Variants in CA10 observed in about 807,000 individuals in gnomAD.
CA10 encodes the protein carbonic anhydrase 10 (inactive).
CA10 carries 14 observed loss-of-function variants against 44.2 expected under a neutral mutation model. That is an observed-to-expected ratio of 0.32 (90% CI 0.21 to 0.50). The LOEUF (loss-of-function observed/expected upper bound fraction) is 0.50. Ranked by LOEUF, CA10 falls within the 20% of genes least tolerant of loss-of-function variation. The probability of loss-of-function intolerance (pLI) is 0.99; values close to 1 mark genes in which losing one functional copy is unlikely to be tolerated. For synonymous variants in CA10, 159 were observed against 141.6 expected, an observed-to-expected ratio of 1.12 and a Z score of -0.87; for missense variants, 350 against 409.7, an observed-to-expected ratio of 0.85 and a Z score of 1.26.
chr17:51,777,583 C>T (rs997314883), intron 3 of CA10, among the ~76,000 whole-genome samples: 10 of 152,106 alleles, frequency 6.6e-5, no homozygotes, highest in African/African-American at 1.2e-4. Context: ...TGTGTATAGT[C>T]ATCTTAAATA....
intron 2 of CA10, among the ~76,000 whole-genome samples, chr17:52,058,362 ATGTT>A (rs1359716028): frequency 2.6e-5 from 4 of 152,188 alleles, no homozygotes; most frequent in African/African-American, 4.8e-5. Context: ...TTTTACAAAA[ATGTT>A]TGAGACACAT....
chr17:51,933,540 G>A (rs1982745739), intron 2 of CA10, among the ~76,000 whole-genome samples: 2 of 152,058 alleles, frequency 1.3e-5, no homozygotes, highest in Admixed American at 6.6e-5. Flanking sequence ...AACCCCTTGA[G>A]AATATATTTG....
intron 2 of CA10, among the ~76,000 whole-genome samples, chr17:52,062,462 G>A (rs2143097744): frequency 6.6e-6 from 1 of 152,254 alleles, no homozygotes; most frequent in South Asian, 2.1e-4. Flanking sequence ...GGTGCAAAGA[G>A]TCAAAAAAAT....
chr17:51,896,426 C>G (rs1981070867), intron 3 of CA10, among the ~76,000 whole-genome samples: 1 of 152,022 alleles, frequency 6.6e-6, no homozygotes, highest in Non-Finnish European at 1.5e-5. Flanking sequence ...TGATCTCATT[C>G]CTTTTATGGC....
chr17:51,635,959 T>C lies in CA10; in HGVS notation c.685A>G (p.Thr229Ala), dbSNP rs1334959248. The C allele has an allele frequency of 6.2e-7, 1 of 1,607,400 alleles. No homozygotes were observed. The highest frequency in any genetic ancestry group is 8.5e-7 in the Non-Finnish European group (1 of 1,175,416). Residue 229 changes from threonine (T) to alanine (A), a missense_variant, in exon 7 of 9, where the codon ACC (threonine) becomes GCC (alanine). Physicochemically the swap from Thr to Ala is moderately conservative, Grantham distance 58. Transcript: ENST00000451037. Reference protein sequence around the residue: ...GLNIEELYPETSSFITYDGSM... With the variant: ...GLNIEELYPEASSFITYDGSM... ...CCATCGTAAGTGATGAAACTAGAGG[T>C]CTCTGGATATAGTTCCTCTATATTA...
intron 2 of CA10, among the ~76,000 whole-genome samples, chr17:51,950,999 G>A (rs1983462172): frequency 6.6e-6 from 1 of 152,036 alleles, no homozygotes; most frequent in Admixed American, 6.6e-5. Flanking sequence ...GGATTGTCTT[G>A]CACATTCCAT....
intron 1 of CA10, among the ~76,000 whole-genome samples, chr17:52,098,897 G>T (rs910033255): frequency 6.6e-6 from 1 of 152,166 alleles, no homozygotes; most frequent in African/African-American, 2.4e-5. Context: ...TAGTGCGTGA[G>T]CATTCGTACC....
At chr17:52,048,129 A>T (rs928302832) in intron 2 of CA10, among the ~76,000 whole-genome samples, 20 of 151,926 alleles carry the variant, frequency 1.3e-4, no homozygotes, top group African/African-American at 4.6e-4. Flanking sequence ...TGGGGGAAAA[A>T]ATGTCTTGTT....
At chr17:52,074,217 G>A (rs575418688) in intron 1 of CA10, among the ~76,000 whole-genome samples, 22 of 152,050 alleles carry the variant, frequency 1.4e-4, no homozygotes, top group African/African-American at 4.3e-4. Context: ...TAAAATTCAC[G>A]GACAGTACAA....
intron 4 of CA10, among the ~76,000 whole-genome samples, chr17:51,697,104 G>A (rs371060230): frequency 1.5e-4 from 22 of 149,610 alleles, no homozygotes; most frequent in African/African-American, 3.7e-4. Context: ...AAAAAGCACC[G>A]TGTTAGAGCT....
At chr17:52,101,286 AT>A (rs746500329) in intron 1 of CA10, among the ~76,000 whole-genome samples, 3 of 152,168 alleles carry the variant, frequency 2.0e-5, no homozygotes, top group Admixed American at 1.3e-4. Flanking sequence ...CATGTACACA[AT>A]TTTTTTTCTC....
chr17:51,643,369 C>T (rs1167573990), intron 6 of CA10, among the ~76,000 whole-genome samples: 12 of 152,158 alleles, frequency 7.9e-5, no homozygotes, highest in Admixed American at 7.9e-4. Flanking sequence ...ATATCTCCTC[C>T]AGAAAATCCA....
At chr17:52,088,236 A>T (rs567284980) in intron 1 of CA10, among the ~76,000 whole-genome samples, 84 of 148,970 alleles carry the variant, frequency 5.6e-4, no homozygotes, top group Middle Eastern at 3.5e-3. Context: ...AAAAAAGTTT[A>T]AAAAAAAAGT....
At chr17:51,844,159 A>G (rs575995151) in intron 3 of CA10, among the ~76,000 whole-genome samples, 1 of 151,938 alleles carries the variant, frequency 6.6e-6, no homozygotes, top group South Asian at 2.1e-4. Flanking sequence ...ACTAGATCTT[A>G]TTTGAAGAAG....
intron 6 of CA10, among the ~76,000 whole-genome samples, chr17:51,646,021 G>A (rs753279135): frequency 2.0e-4 from 30 of 152,168 alleles, no homozygotes; most frequent in Non-Finnish European, 4.1e-4. Context: ...TGAGAGTCAC[G>A]TGGAGCTGAG....
intron 4 of CA10, among the ~76,000 whole-genome samples, chr17:51,682,116 GTTCTCTAGGTAGGGACCACCTTTT>G (rs1914868022): frequency 6.6e-6 from 1 of 152,224 alleles, no homozygotes; most frequent in Non-Finnish European, 1.5e-5. Flanking sequence ...CATGGTCCCT[GTTCTCTAGGTAGGGACCACCTTTT>G]TTTGCAGAGC....
At chr17:51,845,232 G>T (rs563064866) in intron 3 of CA10, among the ~76,000 whole-genome samples, 1 of 152,322 alleles carries the variant, frequency 6.6e-6, no homozygotes, top group African/African-American at 2.4e-5. Context: ...TGCTATGGCA[G>T]CCCTAGAACA....
intron 1 of CA10, among the ~76,000 whole-genome samples, chr17:52,109,008 G>C (rs990107368): frequency 6.6e-6 from 1 of 152,084 alleles, no homozygotes; most frequent in Non-Finnish European, 1.5e-5. Flanking sequence ...AGAAATCAAA[G>C]AGACCTCAAT....
At chr17:52,074,000 AC>A (rs1456671766) in intron 1 of CA10, among the ~76,000 whole-genome samples, 3 of 152,188 alleles carry the variant, frequency 2.0e-5, no homozygotes. Flanking sequence ...TGGGTAGACA[AC>A]ATTTCTCTAG....
Sources: gnomAD v4.1 joint callset for allele counts (sites outside exome capture counted in the v4.1 genomes callset) on GRCh38, gnomAD v4.1.1 for gene constraint, MANE v1.5 for transcripts, NCBI Gene and HGNC (gene_info 2026-07-23, HGNC 2026-07-21) for gene names.